UMAD1: variants seen among roughly 807,000 people sequenced by gnomAD.
The protein encoded by UMAD1 is UBAP1-MVB12-associated (UMA) domain containing 1.
UMAD1 carries 8 observed loss-of-function variants against 6.1 expected under a neutral mutation model. That is an observed-to-expected ratio of 1.30 (90% CI 0.76 to 2.35). UMAD1 has a LOEUF of 2.35. Among genes scored for constraint, UMAD1 ranks in the 30% most tolerant of loss-of-function variants. The pLI, the probability that UMAD1 is intolerant of heterozygous loss-of-function variation, is 0.00. For synonymous variants in UMAD1, 56 were observed against 31.4 expected (o/e 1.78, Z -2.61); for missense variants, 130 against 78.4 (o/e 1.66, Z -2.49).
intron 2 of UMAD1, among the ~76,000 whole-genome samples, chr7:7,767,840 C>A (rs748724133): frequency 6.6e-6 from 1 of 152,320 alleles, no homozygotes; most frequent in East Asian, 1.9e-4. Flanking sequence ...AGATCCCAAG[C>A]AAGCTGGCTC....
Position 7,642,362 on chromosome 7 carries a change from C to T in UMAD1, c.-64+1541C>T, listed in dbSNP as rs558765696. ...TCAGATGGGGCCTCGCCATGTTGACCAGGCTTATCTCAAACTCCTGGGCTC... is the reference window on the plus strand; with the variant it reads ...TCAGATGGGGCCTCGCCATGTTGACTAGGCTTATCTCAAACTCCTGGGCTC... On this transcript the variant is annotated intron_variant, in intron 1 of 3. Coordinates refer to ENST00000682710, the MANE Select transcript of UMAD1 (RefSeq NM_001302348.2). Among the ~76,000 whole-genome samples the T allele has an allele frequency of 2.0e-5, 3 of 152,038 alleles. No homozygotes were observed. The East Asian group carries it at 5.8e-4, about 29-fold the overall frequency.
chr7:7,724,055 C>A (rs996565984), intron 2 of UMAD1, among the ~76,000 whole-genome samples: 1 of 152,106 alleles, frequency 6.6e-6, no homozygotes, highest in African/African-American at 2.4e-5. Flanking sequence ...AAGGGGAGGC[C>A]GGGTCCCCTT....
chr7:7,820,086 A>G (rs1176056290), intron 3 of UMAD1, among the ~76,000 whole-genome samples: 1 of 152,230 alleles, frequency 6.6e-6, no homozygotes. Context: ...TTAGGGCATC[A>G]CAGGGCTAAA....
intron 1 of UMAD1, among the ~76,000 whole-genome samples, chr7:7,662,127 C>A (rs1785489563): frequency 6.6e-6 from 1 of 152,168 alleles, no homozygotes; most frequent in South Asian, 2.1e-4. Context: ...AAACGGCCCA[C>A]TCAAGCCTCA....
chr7:7,782,691 A>T (rs1356036293), intron 2 of UMAD1, among the ~76,000 whole-genome samples: 1 of 151,830 alleles, frequency 6.6e-6, no homozygotes, highest in Non-Finnish European at 1.5e-5. Context: ...GTCTGTGCCT[A>T]CAAGCCGAAA....
intron 2 of UMAD1, among the ~76,000 whole-genome samples, chr7:7,704,758 C>G (rs986128006): frequency 3.6e-5 from 4 of 110,494 alleles, no homozygotes; most frequent in Non-Finnish European, 7.0e-5. Context: ...CAGAGCGAGA[C>G]TCCATCTCAA....
chr7:7,831,871 G>A (rs909929241), intron 3 of UMAD1, among the ~76,000 whole-genome samples: 1 of 152,134 alleles, frequency 6.6e-6, no homozygotes, highest in Non-Finnish European at 1.5e-5. Flanking sequence ...TCTTCTAAAT[G>A]TAGTGTCATA....
At chr7:7,689,240 C>A (rs971989222) in intron 2 of UMAD1, 1 of 152,180 alleles carries the variant, frequency 6.6e-6, no homozygotes, top group Non-Finnish European at 1.5e-5. Flanking sequence ...TGGGCAGATA[C>A]AGACAGAAGA....
chr7:7,757,248 A>AT (rs986312928), intron 2 of UMAD1, among the ~76,000 whole-genome samples: 5 of 152,226 alleles, frequency 3.3e-5, no homozygotes, highest in African/African-American at 1.2e-4. Flanking sequence ...TTATTTTCAC[A>AT]TTTTTTCACA....
chr7:7,823,467 A>T (rs1022210114), intron 3 of UMAD1, among the ~76,000 whole-genome samples: 2 of 152,114 alleles, frequency 1.3e-5, no homozygotes, highest in African/African-American at 4.8e-5. Context: ...TAACTCAAAG[A>T]ATTCCCAAGT....
chr7:7,759,372 G>T (rs1781840215), intron 2 of UMAD1, among the ~76,000 whole-genome samples: 1 of 152,140 alleles, frequency 6.6e-6, no homozygotes, highest in African/African-American at 2.4e-5. Flanking sequence ...TACATGTGCT[G>T]GGTCACCTTC....
intron 2 of UMAD1, among the ~76,000 whole-genome samples, chr7:7,679,990 G>A (rs905567759): frequency 6.6e-6 from 1 of 152,016 alleles, no homozygotes; most frequent in Non-Finnish European, 1.5e-5. Context: ...TCTGTGGGTT[G>A]TCTCTTTACT....
chr7:7,689,905 C>G (rs945122094), intron 2 of UMAD1, among the ~76,000 whole-genome samples: 1 of 152,118 alleles, frequency 6.6e-6, no homozygotes, highest in Non-Finnish European at 1.5e-5. Flanking sequence ...AATTGGTGAT[C>G]AGGAAACAAG....
At chr7:7,682,731 T>C (rs1779944315) in intron 2 of UMAD1, among the ~76,000 whole-genome samples, 1 of 152,350 alleles carries the variant, frequency 6.6e-6, no homozygotes, top group East Asian at 1.9e-4. Flanking sequence ...GCTGTCTCCT[T>C]ACCCACGTAT....
At chr7:7,664,240 A>T (rs1045214723) in intron 1 of UMAD1, among the ~76,000 whole-genome samples, 1 of 152,038 alleles carries the variant, frequency 6.6e-6, no homozygotes, top group African/African-American at 2.4e-5. Context: ...CCACTTTTCC[A>T]TATCATTTCT....
chr7:7,652,432 CTTG>C (rs1785245010), intron 1 of UMAD1, among the ~76,000 whole-genome samples: 1 of 152,130 alleles, frequency 6.6e-6, no homozygotes, highest in Non-Finnish European at 1.5e-5. Flanking sequence ...AGCTGGCTGT[CTTG>C]TTTACTCAGC....
intron 2 of UMAD1, among the ~76,000 whole-genome samples, chr7:7,729,238 A>G (rs1233814783): frequency 2.0e-5 from 3 of 152,180 alleles, no homozygotes; most frequent in Non-Finnish European, 4.4e-5. Context: ...AGGATGGAGC[A>G]TGGAACATGA....
At chr7:7,824,637 G>A (rs1783306510) in intron 3 of UMAD1, among the ~76,000 whole-genome samples, 1 of 152,092 alleles carries the variant, frequency 6.6e-6, no homozygotes, top group South Asian at 2.1e-4. Context: ...TTATTTACAT[G>A]ACAATCACCA....
intron 1 of UMAD1, among the ~76,000 whole-genome samples, chr7:7,644,423 G>T (rs1256684153): frequency 6.6e-6 from 1 of 150,756 alleles, no homozygotes; most frequent in Non-Finnish European, 1.5e-5. Flanking sequence ...GTTTAATGTA[G>T]GAGAAAAGTC....
Sources: allele counts gnomAD v4.1 joint callset (sites outside exome capture counted in the v4.1 genomes callset), GRCh38; gene constraint gnomAD v4.1.1; transcripts MANE v1.5; gene names NCBI Gene and HGNC (gene_info 2026-07-23, HGNC 2026-07-21).